Variants in NF2 observed in about 807,000 individuals in gnomAD.
NF2 encodes merlin.
NF2 carries 8 observed loss-of-function variants against 83.7 expected under a neutral mutation model. That is an observed-to-expected ratio of 0.10 (90% confidence interval 0.06 to 0.17). The LOEUF (loss-of-function observed/expected upper bound fraction) is 0.17, where lower values mean the gene tolerates loss of function less well. NF2 is among the 10% of genes least tolerant of loss of function. The probability of loss-of-function intolerance (pLI) is 1.00; values close to 1 mark genes in which losing one functional copy is unlikely to be tolerated. For missense variants in NF2, 533 were observed against 744.4 expected (o/e 0.72, Z 3.31); for synonymous variants, 266 against 269.6 (o/e 0.99, Z 0.13).
intron 1 of NF2, among the ~76,000 whole-genome samples, chr22:29,610,035 G>T (rs911757538): frequency 6.7e-5 from 10 of 150,224 alleles, no homozygotes; most frequent in Non-Finnish European, 1.5e-4. Context: ...TAAATAATTA[G>T]AGAGAGAGAG....
At chr22:29,689,241 C>T (rs2067345065) in intron 15 of NF2, among the ~76,000 whole-genome samples, 1 of 151,216 alleles carries the variant, frequency 6.6e-6, no homozygotes, top group Non-Finnish European at 1.5e-5. Context: ...CTTAGTACAG[C>T]CATCCCCCTT....
chr22:29,683,921 C>T, intron 15 of NF2: 1 of 1,035,830 alleles, frequency 9.7e-7, no homozygotes, highest in Non-Finnish European at 1.2e-6. Flanking sequence ...CTCTACTTCT[C>T]ACCTAATCCC....
intron 4 of NF2, among the ~76,000 whole-genome samples, chr22:29,652,335 G>A (rs940012839): frequency 1.3e-5 from 2 of 152,052 alleles, no homozygotes; most frequent in African/African-American, 4.8e-5. Context: ...ATGGAGTTTT[G>A]CTCTTGTTGC....
intron 1 of NF2, among the ~76,000 whole-genome samples, chr22:29,605,928 G>C (rs1256614757): frequency 6.6e-6 from 1 of 152,166 alleles, no homozygotes; most frequent in Non-Finnish European, 1.5e-5. Context: ...GTTAAAACCT[G>C]TGTGAGTGCA....
rs1445118992 is a variant in NF2, at chr22:29,671,934, G to A, written c.1108G>A (p.Ala370Thr). The A allele has an allele frequency of 6.2e-7, 1 of 1,614,180 alleles. No individual in the cohort carries two copies. Residue 370 changes from alanine (A) to threonine (T), a missense_variant, in exon 11 of 16, where the codon GCC becomes ACC. By Grantham distance (58) the Ala-to-Thr change is moderately conservative (BLOSUM62 0). Coordinates refer to ENST00000338641, the MANE Select transcript of NF2 (RefSeq NM_000268.4). Reference protein sequence around the residue: ...LLQMKEEATMANEALMRSEET... With the variant: ...LLQMKEEATMTNEALMRSEET... ...GCAGATGAAAGAAGAAGCAACAATG[G>A]CCAACGAAGCACTGGTGATTTCTGA...
intron 1 of NF2, among the ~76,000 whole-genome samples, chr22:29,616,280 C>T (rs778894914): frequency 6.6e-6 from 1 of 152,058 alleles, no homozygotes; most frequent in Non-Finnish European, 1.5e-5. Flanking sequence ...CTAAAAACTA[C>T]TGAATTATAC....
At chr22:29,607,333 G>A (rs757426654) in intron 1 of NF2, among the ~76,000 whole-genome samples, 3 of 152,154 alleles carry the variant, frequency 2.0e-5, no homozygotes, top group African/African-American at 4.8e-5. Context: ...GCCACAATTA[G>A]TGGAGCTTCA....
chr22:29,609,577 C>T (rs1308512443), intron 1 of NF2: 1 of 219,928 alleles, frequency 4.5e-6, no homozygotes, highest in Non-Finnish European at 9.6e-6. Flanking sequence ...ACTACCAAAT[C>T]ATAGTGTAGT....
intron 10 of NF2, 45 bp downstream of exon 10, chr22:29,668,491 G>A (rs1244586258): frequency 4.7e-6 from 7 of 1,488,950 alleles, no homozygotes; most frequent in East Asian, 2.3e-5. Context: ...TGTGTGGTCA[G>A]TCCTGGCCTG....
At chr22:29,665,744 C>T (rs1426313760) in intron 9 of NF2, among the ~76,000 whole-genome samples, 1 of 138,306 alleles carries the variant, frequency 7.2e-6, no homozygotes, top group Non-Finnish European at 1.5e-5. Flanking sequence ...ACGGGTGGAT[C>T]ACAAGGTCAG....
chr22:29,625,548 G>T (rs1005607532), intron 1 of NF2, among the ~76,000 whole-genome samples: 4 of 152,194 alleles, frequency 2.6e-5, no homozygotes, highest in African/African-American at 9.7e-5. Context: ...TGGTGACGAG[G>T]CTTCTCAATT....
intron 15 of NF2, among the ~76,000 whole-genome samples, chr22:29,685,487 A>C (rs1027298684): frequency 6.6e-6 from 1 of 152,056 alleles, no homozygotes; most frequent in African/African-American, 2.4e-5. Flanking sequence ...CCTTGGTGAC[A>C]GCCTCGACCT....
intron 3 of NF2, among the ~76,000 whole-genome samples, chr22:29,641,936 A>G (rs1601588813): frequency 6.6e-6 from 1 of 152,166 alleles, no homozygotes; most frequent in Admixed American, 6.5e-5. Context: ...TGTTGTAACT[A>G]CAGAGACCGT....
intron 5 of NF2, among the ~76,000 whole-genome samples, chr22:29,655,272 G>T (rs1205939641): frequency 6.6e-6 from 1 of 152,118 alleles, no homozygotes; most frequent in Non-Finnish European, 1.5e-5. Flanking sequence ...AGCATGTGAA[G>T]GCCTGAGATG....
intron 4 of NF2, among the ~76,000 whole-genome samples, chr22:29,649,845 A>G (rs1053840749): frequency 1.3e-5 from 2 of 152,124 alleles, no homozygotes; most frequent in African/African-American, 4.8e-5. Flanking sequence ...ACTATAGTCA[A>G]TAATAATTAT....
At chr22:29,640,667 C>T (rs939185689) in intron 3 of NF2, among the ~76,000 whole-genome samples, 3 of 152,030 alleles carry the variant, frequency 2.0e-5, no homozygotes, top group Non-Finnish European at 2.9e-5. Flanking sequence ...TGTCACATAG[C>T]CCTCCTGTAA....
At chr22:29,687,452 A>T (rs1321500256) in intron 15 of NF2, among the ~76,000 whole-genome samples, 1 of 152,146 alleles carries the variant, frequency 6.6e-6, no homozygotes, top group African/African-American at 2.4e-5. Context: ...TAGAACAGTT[A>T]AAAAAACACC....
chr22:29,676,457 T>A (rs1416897941), intron 13 of NF2, among the ~76,000 whole-genome samples: 2 of 152,210 alleles, frequency 1.3e-5, no homozygotes, highest in Admixed American at 6.5e-5. Flanking sequence ...ATTATAGGCA[T>A]GAGCCACTGT....
chr22:29,661,731 T>C (rs2066483611), intron 8 of NF2, among the ~76,000 whole-genome samples: 1 of 152,244 alleles, frequency 6.6e-6, no homozygotes, highest in East Asian at 1.9e-4. Context: ...TCCTTCCACC[T>C]CAGCCTCCTG....
Sources: allele counts gnomAD v4.1 joint callset (sites outside exome capture counted in the v4.1 genomes callset), GRCh38; gene constraint gnomAD v4.1.1; transcripts MANE v1.5; gene names NCBI Gene and HGNC (gene_info 2026-07-23, HGNC 2026-07-21).